The following CDH18 variants were observed in gnomAD, a reference collection of about 807,000 sequenced individuals.
CDH18 encodes cadherin 18.
Under a neutral mutation model 67.9 loss-of-function variants are expected in CDH18, and 31 were observed. That is an observed-to-expected ratio of 0.46 (90% CI 0.34 to 0.62). The LOEUF is 0.62. CDH18 is among the 20% of genes least tolerant of loss of function. The probability of loss-of-function intolerance (pLI) is 0.01; values close to 1 mark genes in which losing one functional copy is unlikely to be tolerated. For missense variants in CDH18, 890 were observed against 975.5 expected, an observed-to-expected ratio of 0.91 and a Z score of 1.17; for synonymous variants, 362 against 347.2, an observed-to-expected ratio of 1.04 and a Z score of -0.48.
At chr5:20,136,912 T>C (rs1749776546) in intron 2 of CDH18, among the ~76,000 whole-genome samples, 1 of 152,222 alleles carries the variant, frequency 6.6e-6, no homozygotes, top group South Asian at 2.1e-4. Flanking sequence ...TGTTGAATAT[T>C]GGCCCCCACT....
intron 2 of CDH18, among the ~76,000 whole-genome samples, chr5:19,920,888 C>T (rs980305975): frequency 4.6e-5 from 5 of 109,448 alleles, no homozygotes; most frequent in African/African-American, 1.0e-4. Context: ...TGTATACCCA[C>T]AAGAGCACAC....
rs77176460 is a variant in CDH18, at chr5:20,358,368, A to G, written c.-579-102863T>C. ...CAATGAGACCTAGACCAAAGAATTG[A>G]AAGTAGTTTGACATAAGAATATAGA... On this transcript the variant is annotated intron_variant, in intron 1 of 14. Transcript: ENST00000507958. 0.018 allele frequency among the ~76,000 whole-genome samples: 2,813 copies of G among 152,288 alleles called. 258 individuals carry two copies. In the East Asian group the frequency reaches 0.3, roughly 16 times the overall value.
chr5:20,159,641 C>T (rs1751820420), intron 2 of CDH18, among the ~76,000 whole-genome samples: 1 of 151,968 alleles, frequency 6.6e-6, no homozygotes, highest in South Asian at 2.1e-4. Flanking sequence ...GATAAAATTC[C>T]CCATTGATGT....
chr5:20,419,432 C>G (rs1215106387), intron 1 of CDH18, among the ~76,000 whole-genome samples: 1 of 133,118 alleles, frequency 7.5e-6, no homozygotes, highest in Non-Finnish European at 1.6e-5. Context: ...TCCGTTGTTT[C>G]TAAGCCAACC....
intron 4 of CDH18, among the ~76,000 whole-genome samples, chr5:19,741,926 C>T (rs1479553243): frequency 6.6e-6 from 1 of 151,992 alleles, no homozygotes; most frequent in Non-Finnish European, 1.5e-5. Flanking sequence ...ACCCTCACAA[C>T]AAAGAATTAT....
intron 3 of CDH18, among the ~76,000 whole-genome samples, chr5:19,759,200 T>A (rs1304789420): frequency 1.3e-5 from 2 of 152,222 alleles, no homozygotes; most frequent in Admixed American, 6.5e-5. Flanking sequence ...AAGCTTATAA[T>A]AATCCACTCT....
At chr5:19,547,669 T>G (rs969862765) in intron 8 of CDH18, among the ~76,000 whole-genome samples, 1 of 152,172 alleles carries the variant, frequency 6.6e-6, no homozygotes, top group African/African-American at 2.4e-5. Context: ...AAATTATGTT[T>G]ATATATTAGA....
chr5:20,358,132 A>T (rs546765196), intron 1 of CDH18, among the ~76,000 whole-genome samples: 3 of 152,170 alleles, frequency 2.0e-5, no homozygotes, highest in Non-Finnish European at 4.4e-5. Context: ...GAAACAATAG[A>T]TACTGGAGAC....
intron 9 of CDH18, among the ~76,000 whole-genome samples, chr5:19,529,738 C>T (rs1002076837): frequency 2.6e-5 from 4 of 151,866 alleles, no homozygotes; most frequent in Non-Finnish European, 4.4e-5. Context: ...AAAACAAATA[C>T]GTGAAATGTT....
intron 5 of CDH18, among the ~76,000 whole-genome samples, 157 bp downstream of exon 5, chr5:19,721,190 A>C (rs1766042984): frequency 6.6e-6 from 1 of 152,214 alleles, no homozygotes; most frequent in Admixed American, 6.5e-5. Flanking sequence ...TTTATTTTCA[A>C]TTATTTCATT....
At chr5:19,611,000 T>C (rs976320239) in intron 6 of CDH18, among the ~76,000 whole-genome samples, 4 of 152,174 alleles carry the variant, frequency 2.6e-5, no homozygotes, top group Non-Finnish European at 5.9e-5. Context: ...GATTTGCATG[T>C]ATTTAATAAT....
At chr5:19,764,350 C>T (rs1487149978) in intron 3 of CDH18, among the ~76,000 whole-genome samples, 1 of 151,844 alleles carries the variant, frequency 6.6e-6, no homozygotes, top group East Asian at 1.9e-4. Context: ...TGAAGAACTA[C>T]CCATAATTTG....
intron 2 of CDH18, among the ~76,000 whole-genome samples, chr5:20,003,876 G>C (rs1041841658): frequency 6.6e-6 from 1 of 152,170 alleles, no homozygotes; most frequent in Non-Finnish European, 1.5e-5. Context: ...CAGCCTGGTC[G>C]ACAGAGCGAG....
intron 6 of CDH18, among the ~76,000 whole-genome samples, chr5:19,601,154 G>A (rs1222672622): frequency 2.6e-5 from 4 of 152,064 alleles, no homozygotes; most frequent in African/African-American, 7.2e-5. Context: ...AGGAGATCTT[G>A]GTCTGCAGGA....
chr5:19,845,717 T>C (rs569050022), intron 2 of CDH18, among the ~76,000 whole-genome samples: 2 of 152,148 alleles, frequency 1.3e-5, no homozygotes, highest in Admixed American at 1.3e-4. Flanking sequence ...ATAATTGTTT[T>C]TTTTCTGCTG....
At chr5:19,729,022 T>C (rs1361248349) in intron 4 of CDH18, among the ~76,000 whole-genome samples, 1 of 152,128 alleles carries the variant, frequency 6.6e-6, no homozygotes, top group East Asian at 1.9e-4. Context: ...AAAAAATATT[T>C]CTGCAAGTAC....
intron 1 of CDH18, among the ~76,000 whole-genome samples, chr5:20,410,859 T>C (rs1341094882): frequency 1.3e-5 from 2 of 151,760 alleles, no homozygotes; most frequent in Non-Finnish European, 2.9e-5. Context: ...CACAATAGTA[T>C]TAAAGGAATA....
intron 3 of CDH18, among the ~76,000 whole-genome samples, chr5:19,753,897 A>G: frequency 6.6e-6 from 1 of 152,178 alleles, no homozygotes; most frequent in Non-Finnish European, 1.5e-5. Context: ...ATATGAAAGA[A>G]AGATACAGTT....
intron 2 of CDH18, among the ~76,000 whole-genome samples, chr5:19,898,631 A>ATAAGAAGAAGT (rs1554059613): frequency 5.3e-5 from 8 of 151,516 alleles, no homozygotes; most frequent in East Asian, 1.9e-4. Flanking sequence ...TATATGGAAA[A>ATAAGAAGAAGT]TAAGAAGAAA....
Sources: gnomAD v4.1 joint callset for allele counts (sites outside exome capture counted in the v4.1 genomes callset) on GRCh38, gnomAD v4.1.1 for gene constraint, MANE v1.5 for transcripts, NCBI Gene and HGNC (gene_info 2026-07-23, HGNC 2026-07-21) for gene names.